Variants in INO80 observed in about 807,000 individuals in gnomAD.
INO80 encodes chromatin-remodeling ATPase INO80.
In INO80, 20 loss-of-function variants were observed where a neutral mutation model predicts 203.4. The observed-to-expected ratio is 0.10, with a 90% confidence interval of 0.07 to 0.14. INO80 has a LOEUF of 0.14. Ranked by LOEUF, INO80 falls within the 10% of genes least tolerant of loss-of-function variation. The pLI, the probability that INO80 is intolerant of heterozygous loss-of-function variation, is 1.00. For synonymous variants in INO80, 726 were observed against 685.2 expected (o/e 1.06, Z -0.93); for missense variants, 1,419 against 1,914.4 (o/e 0.74, Z 4.83).
intron 24 of INO80, among the ~76,000 whole-genome samples, chr15:41,043,430 T>C (rs975420076): frequency 6.6e-6 from 1 of 152,178 alleles, no homozygotes; most frequent in Non-Finnish European, 1.5e-5. Context: ...CTGACAGCAT[T>C]ACTCCAAACA....
At chr15:41,099,237 CAAAAAAAA>C (rs71104771) in intron 1 of INO80, among the ~76,000 whole-genome samples, 4 of 21,092 alleles carry the variant, frequency 1.9e-4, no homozygotes, top group East Asian at 2.7e-3. Flanking sequence ...GACCCTGTCT[CAAAAAAAA>C]AAAAAAAAAA....
chr15:41,043,856 C>A (rs1261339592), intron 24 of INO80, among the ~76,000 whole-genome samples: 2 of 152,180 alleles, frequency 1.3e-5, no homozygotes, highest in African/African-American at 4.8e-5. Flanking sequence ...CCTTCTTTCA[C>A]CTTCTTTGTC....
At position 41,003,334 on chromosome 15, in the gene INO80, C is replaced by CT. The variant is rs71104761; in HGVS notation, c.3497+2258dup. 1.6e-4 allele frequency among the ~76,000 whole-genome samples: 20 copies of CT among 126,036 alleles called. 2 individuals are homozygous for CT. Among genetic ancestry groups the CT allele is most frequent in the Non-Finnish European group, 1.6e-4 (10 of 62,984 alleles). The allele number at this position is 126,036 out of a possible 152,430, so 82.7% of individuals were successfully genotyped here. A position where few individuals can be genotyped will look rare whatever the true frequency, so the allele number is the denominator to read the frequency against. The stretch of plus-strand genomic sequence containing the variant: ...TTGTGGGTGATTTTTCTTTTCTTTT[C>CT]TTTTTTTTTTTTTTGAGATGGAGTC... On this transcript the variant is annotated intron_variant, in intron 28 of 35. Coordinates refer to ENST00000648947, the MANE Select transcript of INO80 (RefSeq NM_017553.3).
Position 41,087,591 on chromosome 15 carries a change from T to C in INO80, c.629A>G (p.Lys210Arg). Residue 210 changes from lysine to arginine, a missense_variant, in exon 6 of 36, where the codon AAG becomes AGG. Around this residue, in one of 9 missense-constraint regions of INO80, gnomAD observed 323 missense variants for 325.4 expected, o/e 0.99. Coordinates refer to ENST00000648947, the MANE Select transcript of INO80 (RefSeq NM_017553.3). ...QQRHLLGPKK[K>R]KFKEEKKLKA... Reference sequence around the variant, plus strand: ...AAGTTTCTTTTCCTCCTTAAATTTCTTTTTCTTGGGTCCAAGTAGGTGCCG... The same window carrying C: ...AAGTTTCTTTTCCTCCTTAAATTTCCTTTTCTTGGGTCCAAGTAGGTGCCG... 6.2e-7 allele frequency: 1 copy of C among 1,613,934 alleles called. No homozygotes were observed. The highest frequency in any genetic ancestry group is 1.1e-5 in the South Asian group (1 of 91,078).
chr15:41,050,852 G>A (rs1376269763), intron 19 of INO80, among the ~76,000 whole-genome samples: 1 of 152,148 alleles, frequency 6.6e-6, no homozygotes, highest in Non-Finnish European at 1.5e-5. Context: ...CCAATAATCA[G>A]GCCGGACGCA....
At chr15:41,033,923 G>A (rs543327371) in intron 24 of INO80, among the ~76,000 whole-genome samples, 18 of 152,076 alleles carry the variant, frequency 1.2e-4, no homozygotes, top group South Asian at 8.3e-4. Flanking sequence ...TTAGCCGGGC[G>A]TGGTGGCAGG....
rs1226992148 is a variant in INO80 at position 41,020,957 on chromosome 15, C to T, written c.3217G>A (p.Ala1073Thr). Reference sequence around the variant, plus strand: ...GGTCTGATGCTCCACAGACCTCCAGCTGGCTCTGGGAAGAACTGTGATCGT... The same window carrying T: ...GGTCTGATGCTCCACAGACCTCCAGTTGGCTCTGGGAAGAACTGTGATCGT... Reference protein sequence around the residue: ...NRRSQFFPEPAGGLWSIRPQN... With the variant: ...NRRSQFFPEPTGGLWSIRPQN... Residue 1073 changes from alanine to threonine, a missense_variant, in exon 26 of 36, where the codon GCT (alanine) becomes ACT (threonine). Around this residue, in one of 9 missense-constraint regions of INO80, gnomAD observed 302 missense variants for 345.4 expected, o/e 0.87. Coordinates refer to ENST00000648947, the MANE Select transcript of INO80 (RefSeq NM_017553.3). The T allele has an allele frequency of 1.2e-6, 2 of 1,614,050 alleles. No homozygotes were observed. The highest frequency in any genetic ancestry group is 1.7e-5 in the Admixed American group (1 of 60,000).
chr15:41,037,111 A>G (rs2044589281), intron 24 of INO80, among the ~76,000 whole-genome samples: 1 of 151,274 alleles, frequency 6.6e-6, no homozygotes, highest in African/African-American at 2.4e-5. Flanking sequence ...TCAAAAAACA[A>G]AACAAAACAA....
intron 29 of INO80, among the ~76,000 whole-genome samples, chr15:40,990,680 G>A (rs952450174): frequency 6.6e-6 from 1 of 152,126 alleles, no homozygotes; most frequent in Non-Finnish European, 1.5e-5. Flanking sequence ...GCCTCTAGAG[G>A]AACTTAACAA....
At chr15:41,082,387 G>C (rs1021580303) in intron 7 of INO80, among the ~76,000 whole-genome samples, 1 of 151,420 alleles carries the variant, frequency 6.6e-6, no homozygotes, top group African/African-American at 2.4e-5. Context: ...AAGATAGTGA[G>C]ACCTCGTCTC....
At chr15:41,055,426 T>C (rs1053927453) in intron 17 of INO80, 62 bp from the exon 18 acceptor site, 5 of 1,091,268 alleles carry the variant, frequency 4.6e-6, no homozygotes, top group Non-Finnish European at 5.4e-6. Flanking sequence ...TGTAAGGATG[T>C]ATTAGATAGA....
At chr15:41,057,912 CCAT>C (rs1343843018) in intron 16 of INO80, among the ~76,000 whole-genome samples, 13 of 151,542 alleles carry the variant, frequency 8.6e-5, no homozygotes, top group African/African-American at 2.9e-4. Flanking sequence ...TAACGACTCA[CCAT>C]GAGTTAATAA....
At chr15:41,014,959 T>C (rs2044181707) in intron 27 of INO80, among the ~76,000 whole-genome samples, 1 of 152,222 alleles carries the variant, frequency 6.6e-6, no homozygotes, top group South Asian at 2.1e-4. Context: ...TATGAAGCCT[T>C]ACACATGTAA....
intron 5 of INO80, among the ~76,000 whole-genome samples, chr15:41,091,529 C>T (rs1179634494): frequency 6.6e-6 from 1 of 152,070 alleles, no homozygotes; most frequent in East Asian, 1.9e-4. Flanking sequence ...CTCCTGCACC[C>T]ACCTGCCCAG....
chr15:41,032,433 C>G (rs1033806089), intron 24 of INO80, among the ~76,000 whole-genome samples: 1 of 152,048 alleles, frequency 6.6e-6, no homozygotes, highest in Non-Finnish European at 1.5e-5. Flanking sequence ...AATAGTTTCC[C>G]AGAGCTTTCC....
intron 19 of INO80, among the ~76,000 whole-genome samples, chr15:41,051,824 G>T (rs1446938616): frequency 2.0e-5 from 3 of 152,178 alleles, no homozygotes; most frequent in African/African-American, 7.2e-5. Flanking sequence ...GGGCGTTAGT[G>T]GTACACACCT....
rs1344799003 is a variant in INO80 at position 41,047,483 on chromosome 15, C to G, written c.2660G>C (p.Cys887Ser). ...ATCAATAAAGCGAAGGAAAGAGAAA[C>G]AGCTTTCTTCATTAATACCTGAAAT... Reference protein sequence around the residue: ...FHRKGINEESCFSFLRFIDIS... With the variant: ...FHRKGINEESSFSFLRFIDIS... Residue 887 changes from cysteine (C) to serine (S), a missense_variant, in exon 23 of 36, where the codon TGT (cysteine) becomes TCT (serine). Transcript: ENST00000648947. 37 of 1,608,746 alleles carry G rather than the reference C, an allele frequency of 2.3e-5. No individual in the cohort carries two copies. The highest frequency in any genetic ancestry group is 3.1e-5 in the Non-Finnish European group (36 of 1,177,056).
chr15:40,997,452 C>T (rs1566904142), intron 29 of INO80, 77 bp downstream of exon 29: 1 of 935,196 alleles, frequency 1.1e-6, no homozygotes, highest in African/African-American at 1.6e-5. Context: ...CAAACAATGC[C>T]ATATTAGAAA....
Position 41,095,886 on chromosome 15 carries a change from C to A in INO80, c.186G>T (p.Leu62Phe). ...EDGLDDSNPL[L>F]PQSGDPLIQV... is the part of the protein sequence containing the mutation. Reference sequence around the variant, plus strand: ...GTATTAAGGGATCCCCAGACTGGGGCAATAATGGATTACTGTCATCCAGTC... The same window carrying A: ...GTATTAAGGGATCCCCAGACTGGGGAAATAATGGATTACTGTCATCCAGTC... Residue 62 changes from leucine (L) to phenylalanine (F), a missense_variant, in exon 3 of 36, where the codon TTG (leucine) becomes TTT (phenylalanine). Leu to Phe is a conservative substitution (Grantham distance 22, BLOSUM62 0). Transcript: ENST00000648947. 2 of 1,613,952 alleles carry A rather than the reference C, an allele frequency of 1.2e-6. No individual in the cohort carries two copies. Among genetic ancestry groups the A allele is most frequent in the Non-Finnish European group, 1.7e-6 (2 of 1,179,886 alleles).
Sources: gnomAD v4.1 joint callset for allele counts (sites outside exome capture counted in the v4.1 genomes callset) on GRCh38, gnomAD v4.1.1 for gene constraint, gnomAD v4.1.1 regional missense constraint, MANE v1.5 for transcripts, NCBI Gene and HGNC (gene_info 2026-07-23, HGNC 2026-07-21) for gene names.